The following BNC2 variants were observed in gnomAD, a reference collection of about 807,000 sequenced individuals.
The protein encoded by BNC2 is basonuclin zinc finger protein 2, also known as zinc finger protein basonuclin-2.
A neutral mutation model predicts 76.3 loss-of-function variants in BNC2; 20 were observed. That is an observed-to-expected ratio of 0.26 (90% CI 0.18 to 0.38). The LOEUF (loss-of-function observed/expected upper bound fraction) is 0.38, where lower values mean the gene tolerates loss of function less well. BNC2 is among the 10% of genes least tolerant of loss of function. BNC2 has a pLI of 1.00. For synonymous variants in BNC2, 582 were observed against 514.8 expected, an observed-to-expected ratio of 1.13 and a Z score of -1.77; for missense variants, 1,382 against 1,399.8, an observed-to-expected ratio of 0.99 and a Z score of 0.20.
At position 16,727,784 on chromosome 9, in the gene BNC2, G is replaced by T. The variant is rs201914103; in HGVS notation, c.330+13C>A. ...AAAAAAGAAAAAAAAAATCAAGAAAGAAAGTAACTTACCTGTTGGGACATT... is the reference window on the plus strand; with the variant it reads ...AAAAAAGAAAAAAAAAATCAAGAAATAAAGTAACTTACCTGTTGGGACATT... On this transcript the variant is annotated intron_variant, in intron 3 of 6. Coordinates refer to ENST00000380672, the MANE Select transcript of BNC2 (RefSeq NM_017637.6). 4 of 1,602,312 alleles carry T rather than the reference G, an allele frequency of 2.5e-6. No individual in the cohort carries two copies. In the Admixed American group the frequency reaches 5.2e-5, roughly 21 times the overall value.
intron 1 of BNC2, among the ~76,000 whole-genome samples, chr9:16,744,659 A>C (rs1824948637): frequency 6.6e-6 from 1 of 152,152 alleles, no homozygotes; most frequent in South Asian, 2.1e-4. Flanking sequence ...GTGGGGTTTA[A>C]ATATGACAAT....
chr9:16,512,649 C>T (rs1822784691), intron 5 of BNC2, among the ~76,000 whole-genome samples: 1 of 152,112 alleles, frequency 6.6e-6, no homozygotes, highest in Admixed American at 6.5e-5. Context: ...ACAAACACAT[C>T]TTTTATGTAC....
chr9:16,689,031 G>A (rs1356786985), intron 3 of BNC2, among the ~76,000 whole-genome samples: 3 of 152,076 alleles, frequency 2.0e-5, no homozygotes, highest in Non-Finnish European at 4.4e-5. Context: ...GGGCCAGTGG[G>A]CATTCACTTC....
chr9:16,727,873 G>C lies in BNC2; in HGVS notation c.254C>G (p.Thr85Arg). ...TDNSMQFGTR[T>R]TTAEPGFMGT... ...CATGAACCCTGGTTCAGCCGTAGTC[G>C]TTCTGGTTCCGAACTGCATGGAGTT... The change falls in exon 3 of 7, where the codon ACG becomes AGG. Residue 85 changes from threonine to arginine, a missense_variant. Around this residue, in one of 3 missense-constraint regions of BNC2, gnomAD observed 557 missense variants for 540.9 expected, o/e 1.03. Transcript: ENST00000380672. 1.9e-6 allele frequency: 3 copies of C among 1,614,188 alleles called. No individual in the cohort carries two copies. In the South Asian group the frequency reaches 3.3e-5, roughly 18 times the overall value.
intron 1 of BNC2, among the ~76,000 whole-genome samples, chr9:16,818,617 G>C (rs185978917): frequency 1.3e-5 from 2 of 152,254 alleles, no homozygotes; most frequent in African/African-American, 4.8e-5. Flanking sequence ...TCTTTTATCT[G>C]AGTCTCAGTT....
In BNC2 at chr9:16,788,887, T is replaced by C. The variant is rs141655969; in HGVS notation, c.4-50402A>G. Among the ~76,000 whole-genome samples, 80 of 150,970 alleles carry C rather than the reference T, an allele frequency of 5.3e-4. 2 individuals carry two copies. The highest frequency in any genetic ancestry group is 1.9e-3 in the African/African-American group (78 of 40,366). ...TGTTTTTCCTTCTAGATTCCCCACCTTAGTTGAAACGAATTCCACCTCCTA... is the reference window on the plus strand; with the variant it reads ...TGTTTTTCCTTCTAGATTCCCCACCCTAGTTGAAACGAATTCCACCTCCTA... On this transcript the variant is annotated intron_variant, in intron 1 of 6. Coordinates refer to ENST00000380672, the MANE Select transcript of BNC2 (RefSeq NM_017637.6).
intron 5 of BNC2, among the ~76,000 whole-genome samples, chr9:16,476,601 T>C (rs1310014826): frequency 6.6e-6 from 1 of 151,556 alleles, no homozygotes; most frequent in Non-Finnish European, 1.5e-5. Context: ...AGTTTGACAC[T>C]GTCCCCTCCC....
At chr9:16,520,677 A>G (rs1381769321) in intron 5 of BNC2, among the ~76,000 whole-genome samples, 2 of 152,194 alleles carry the variant, frequency 1.3e-5, no homozygotes, top group South Asian at 2.1e-4. Context: ...ATCTGAATCC[A>G]TATCATTCCT....
intron 1 of BNC2, among the ~76,000 whole-genome samples, chr9:16,751,267 A>T (rs1180435296): frequency 4.4e-5 from 2 of 45,002 alleles, no homozygotes; most frequent in South Asian, 7.5e-4. Flanking sequence ...AAAATGGTTT[A>T]AAAAAAAAAA....
chr9:16,764,160 G>A (rs533869095), intron 1 of BNC2, among the ~76,000 whole-genome samples: 3 of 152,324 alleles, frequency 2.0e-5, no homozygotes, highest in African/African-American at 7.2e-5. Context: ...CCCTTGGGGT[G>A]TGTAGCTCAC....
intron 1 of BNC2, among the ~76,000 whole-genome samples, chr9:16,869,736 C>T (rs1284077731): frequency 6.6e-6 from 1 of 152,182 alleles, no homozygotes; most frequent in Non-Finnish European, 1.5e-5. Flanking sequence ...TAATTGCACG[C>T]TTCCTCGCTG....
At chr9:16,479,624 T>C (rs1007443855) in intron 5 of BNC2, among the ~76,000 whole-genome samples, 2 of 152,186 alleles carry the variant, frequency 1.3e-5, no homozygotes, top group Admixed American at 6.5e-5. Flanking sequence ...TTATGTATCA[T>C]TGATCAGCAT....
chr9:16,697,293 C>T (rs1022836648), intron 3 of BNC2, among the ~76,000 whole-genome samples: 24 of 151,938 alleles, frequency 1.6e-4, no homozygotes, highest in African/African-American at 5.6e-4. Context: ...GGTAGTGAGC[C>T]GAGATTGCGC....
intron 3 of BNC2, among the ~76,000 whole-genome samples, chr9:16,711,416 C>T (rs923154518): frequency 1.3e-5 from 2 of 152,096 alleles, no homozygotes; most frequent in African/African-American, 4.8e-5. Context: ...GAGTTTACAT[C>T]CACTTAAAAA....
At chr9:16,625,194 A>G (rs147031861) in intron 3 of BNC2, among the ~76,000 whole-genome samples, 3 of 152,348 alleles carry the variant, frequency 2.0e-5, no homozygotes, top group African/African-American at 7.2e-5. Flanking sequence ...TATGAAACAA[A>G]AAAAATGCTG....
chr9:16,434,116 A>T (rs906608890), intron 6 of BNC2, among the ~76,000 whole-genome samples: 2 of 152,116 alleles, frequency 1.3e-5, no homozygotes, highest in Admixed American at 6.6e-5. Flanking sequence ...GAAAATCATT[A>T]AAAAAATGGT....
intron 1 of BNC2, among the ~76,000 whole-genome samples, chr9:16,772,769 G>C (rs780751893): frequency 1.3e-5 from 2 of 152,162 alleles, no homozygotes. Flanking sequence ...TTTTGCACTA[G>C]TGCACATAAA....
At chr9:16,705,114 T>C (rs1489160548) in intron 3 of BNC2, 2 of 152,148 alleles carry the variant, frequency 1.3e-5, no homozygotes, top group Non-Finnish European at 1.5e-5. Context: ...GTTCTTCTGA[T>C]AGTTCCTGAG....
At chr9:16,676,959 A>G (rs1822661847) in intron 3 of BNC2, among the ~76,000 whole-genome samples, 1 of 152,258 alleles carries the variant, frequency 6.6e-6, no homozygotes, top group South Asian at 2.1e-4. Context: ...AAAAAGAAAA[A>G]CATAGTTATC....
Sources: gnomAD v4.1 joint callset for allele counts (sites outside exome capture counted in the v4.1 genomes callset) on GRCh38, gnomAD v4.1.1 for gene constraint, gnomAD v4.1.1 regional missense constraint, MANE v1.5 for transcripts, NCBI Gene and HGNC (gene_info 2026-07-23, HGNC 2026-07-21) for gene names.